The following MYO15A variants were observed in gnomAD, a reference collection of about 807,000 sequenced individuals.
The protein encoded by MYO15A is myosin XVA, also known as unconventional myosin-XV.
MYO15A carries 308 observed loss-of-function variants against 394.6 expected under a neutral mutation model. That is an observed-to-expected ratio of 0.78 (90% CI 0.71 to 0.86). The LOEUF (loss-of-function observed/expected upper bound fraction) is 0.86. MYO15A is among the 40% of genes least tolerant of loss of function. MYO15A has a pLI of 0.00. For synonymous variants in MYO15A, 1,957 were observed against 2,003.8 expected (o/e 0.98, Z 0.62); for missense variants, 4,606 against 4,799.1 (o/e 0.96, Z 1.19).
chr17:18,150,320 GC>G lies in MYO15A; in HGVS notation c.7213-104del. On this transcript the variant is annotated intron_variant, in intron 35 of 65. Transcript: ENST00000647165. This position sits in a 1 kb window ranked among gnomAD's most constrained non-coding sequence, Gnocchi z 4.4. ...GCAGACACTGAGCCAGTGGGAGGCT[GC>G]CCCCTCCCACGAGAGGGTGGGGAAG... 1 of 963,556 alleles carries G rather than the reference GC, an allele frequency of 1.0e-6. No homozygotes were observed. The highest frequency in any genetic ancestry group is 1.9e-5 in the Admixed American group (1 of 53,482). The allele number at this position is 963,556 out of a possible 1,614,324, so 59.7% of individuals were successfully genotyped here.
rs772969960 is a variant in MYO15A, at chr17:18,119,330, G to T, written c.530G>T (p.Gly177Val). 164 of 1,609,624 alleles carry T rather than the reference G, an allele frequency of 1.0e-4. No individual in the cohort carries two copies. Among genetic ancestry groups the T allele is most frequent in the Non-Finnish European group, 1.3e-4 (151 of 1,179,360 alleles). ...TCCCGCAAACTCCCCTTCCCGTCGG[G>T]TGCCGAGATCCTGCGGCCTGGGGGC... is the stretch of plus-strand genomic sequence containing the variant. ...MGSRKLPFPS[G>V]AEILRPGGRL... The change falls in exon 2 of 66, where the codon GGT (glycine) becomes GTT (valine). Residue 177 changes from glycine to valine, a missense_variant. Around this residue, in one of 2 missense-constraint regions of MYO15A, gnomAD observed 1,830 missense variants for 1,689.7 expected, o/e 1.08. Transcript: ENST00000647165.
At chr17:18,125,400 T>G (rs2046015428) in intron 4 of MYO15A, 169 bp downstream of exon 4, 3 of 700,852 alleles carry the variant, frequency 4.3e-6, no homozygotes, top group Non-Finnish European at 7.5e-6. Flanking sequence ...AGTCTTAGAA[T>G]GGTGGATGCC....
At chr17:18,137,102 G>A (rs980572394) in intron 15 of MYO15A, among the ~76,000 whole-genome samples, 1 of 152,190 alleles carries the variant, frequency 6.6e-6, no homozygotes, top group Non-Finnish European at 1.5e-5. Context: ...TCGTGTGTTG[G>A]GGGGTGACTG....
Position 18,179,027 on chromosome 17 carries a change from A to T in MYO15A, c.*157A>T. On this transcript the variant is annotated 3_prime_UTR_variant, in exon 66 of 66. Coordinates refer to ENST00000647165, the MANE Select transcript of MYO15A (RefSeq NM_016239.4). ...AGGAGCAACTCAAATCCCCAAGAAC[A>T]CAAGAAGACCCATCCTGAACTGGGA... is the stretch of plus-strand genomic sequence containing the variant. 2 of 731,586 alleles carry T rather than the reference A, an allele frequency of 2.7e-6. No individual in the cohort carries two copies. Among genetic ancestry groups the T allele is most frequent in the Admixed American group, 2.1e-5 (1 of 47,000 alleles). 45.3% of individuals were successfully genotyped at this position (731,586 alleles called of 1,614,324 possible).
intron 61 of MYO15A, 32 bp from the exon 62 acceptor site, chr17:18,167,558 C>G (rs2046871790): frequency 6.2e-7 from 1 of 1,600,118 alleles, no homozygotes; most frequent in Non-Finnish European, 8.5e-7. Flanking sequence ...GCGTGCCTGC[C>G]TGGCAGCCCC....
rs551586314 is a variant in MYO15A at position 18,117,042 on chromosome 17, A to C, written c.-219-1540A>C. 3.3e-5 allele frequency among the ~76,000 whole-genome samples: 5 copies of C among 152,242 alleles called. No homozygotes were observed. In the East Asian group the frequency reaches 7.7e-4, roughly 24 times the overall value. ...GCAGCCCCTCAAACTCCTGCTGTGC[A>C]GGAGGCCCACTTCCTGCACGTATCC... On this transcript the variant is annotated intron_variant, in intron 1 of 65. Transcript: ENST00000647165. This position sits in a 1 kb window ranked among gnomAD's most constrained non-coding sequence, Gnocchi z 4.1.
intron 56 of MYO15A, 49 bp downstream of exon 56, chr17:18,160,066 C>G (rs753197716): frequency 1.3e-5 from 20 of 1,561,068 alleles, no homozygotes; most frequent in Non-Finnish European, 1.6e-5. Flanking sequence ...TGTCCATGCT[C>G]CAGGAGGGAC....
In MYO15A at chr17:18,154,773, A is replaced by AG; in HGVS notation, c.8224+22dup. The AG allele has an allele frequency of 5.6e-6, 9 of 1,611,630 alleles. No individual in the cohort carries two copies. The highest frequency in any genetic ancestry group is 7.6e-6 in the Non-Finnish European group (9 of 1,179,382). On this transcript the variant is annotated intron_variant, in intron 45 of 65. Transcript: ENST00000647165. Reference sequence around the variant, plus strand: ...CTTGTTTGGTATCTCGGGGGAGAGGAGGGGTACTGATGGGGCAACCAGTCA... The same window carrying AG: ...CTTGTTTGGTATCTCGGGGGAGAGGAGGGGGTACTGATGGGGCAACCAGTCA...
chr17:18,124,465 CCTCT>C lies in MYO15A; in HGVS notation c.3610-10_3610-7del, dbSNP rs759480416. The C allele has an allele frequency of 8.1e-6, 13 of 1,607,284 alleles. No homozygotes were observed. In the African/African-American group the frequency reaches 1.5e-4, roughly 18 times the overall value. ...GGTGCCCTTCAACCTGCAGACACAG[CCTCT>C]CTCTCTCACACAGATGCACTCCATC... is the stretch of plus-strand genomic sequence containing the variant. On this transcript the variant is annotated splice_polypyrimidine_tract_variant and intron_variant, in intron 2 of 65. Transcript: ENST00000647165.
intron 17 of MYO15A, 21 bp from the exon 18 acceptor site, chr17:18,138,790 T>G: frequency 6.2e-7 from 1 of 1,613,200 alleles, no homozygotes; most frequent in Non-Finnish European, 8.5e-7. Flanking sequence ...GCCCACCCAC[T>G]GATCCCTAAA....
At chr17:18,154,245 G>T in intron 44 of MYO15A, 55 bp downstream of exon 44, 1 of 1,588,290 alleles carries the variant, frequency 6.3e-7, no homozygotes, top group South Asian at 1.1e-5. Flanking sequence ...CTGTGTGGAC[G>T]CAAAGATGAG....
chr17:18,159,070 G>A, intron 53 of MYO15A, 73 bp downstream of exon 53: 1 of 1,511,300 alleles, frequency 6.6e-7, no homozygotes, highest in Non-Finnish European at 9.1e-7. Flanking sequence ...GGCCCCTGGG[G>A]CCAACAAACT....
chr17:18,144,734 CAG>C (rs1387862703), intron 29 of MYO15A, 142 bp downstream of exon 29: 2 of 736,882 alleles, frequency 2.7e-6, no homozygotes, highest in East Asian at 2.8e-5. Context: ...ACTTTTATGT[CAG>C]AGGGGGAAAT....
rs150847766 is a variant in MYO15A at position 18,126,724 on chromosome 17, C to T, written c.3867-67C>T. On this transcript the variant is annotated intron_variant, in intron 5 of 65. Coordinates refer to ENST00000647165, the MANE Select transcript of MYO15A (RefSeq NM_016239.4). The stretch of plus-strand genomic sequence containing the variant: ...CTGTTTGGCTGGATACGGATGCTCC[C>T]TGCCCAATCCCTGGGAGGTGTGGGA... The T allele has an allele frequency of 9.7e-5, 148 of 1,526,046 alleles. 1 individual carries two copies. In the East Asian group the frequency reaches 2.6e-3, roughly 27 times the overall value. 94.5% of individuals were successfully genotyped at this position (1,526,046 alleles called of 1,614,324 possible).
intron 23 of MYO15A, 138 bp downstream of exon 23, chr17:18,141,908 C>T (rs770165966): frequency 5.9e-6 from 7 of 1,188,482 alleles, no homozygotes; most frequent in Non-Finnish European, 8.7e-6. Context: ...ATGCTAACTA[C>T]CTGATTCACC....
chr17:18,114,267 T>TTTTTTTTA (rs879237595), intron 1 of MYO15A, among the ~76,000 whole-genome samples: 6 of 105,022 alleles, frequency 5.7e-5, no homozygotes, highest in Non-Finnish European at 1.1e-4. Flanking sequence ...TTTTTTTTTT[T>TTTTTTTTA]GAGACGGAGT....
intron 8 of MYO15A, 124 bp from the exon 9 acceptor site, chr17:18,131,115 T>C (rs1353437054): frequency 1.5e-5 from 13 of 876,556 alleles, no homozygotes; most frequent in Non-Finnish European, 2.4e-5. Flanking sequence ...CCACCTCTGG[T>C]CATCTCTCAT....
intron 19 of MYO15A, among the ~76,000 whole-genome samples, chr17:18,140,043 A>T (rs2046350706): frequency 6.6e-6 from 1 of 152,114 alleles, no homozygotes; most frequent in Non-Finnish European, 1.5e-5. Context: ...CCCGGGGAAG[A>T]GCTTGGGGGA....
At chr17:18,136,203 G>A (rs2046266922) in intron 13 of MYO15A, among the ~76,000 whole-genome samples, 1 of 152,040 alleles carries the variant, frequency 6.6e-6, no homozygotes, top group Admixed American at 6.5e-5. Flanking sequence ...TGATGCCTCT[G>A]TCTCCCCCAT....
Sources: gnomAD v4.1 joint callset for allele counts (sites outside exome capture counted in the v4.1 genomes callset) on GRCh38, gnomAD v4.1.1 for gene constraint, gnomAD v4.1.1 regional missense constraint, Gnocchi (gnomAD v3.1) non-coding constraint, MANE v1.5 for transcripts, NCBI Gene and HGNC (gene_info 2026-07-23, HGNC 2026-07-21) for gene names.